BRAF: variants seen among roughly 807,000 people sequenced by gnomAD.
The protein encoded by BRAF is B-Raf proto-oncogene, serine/threonine kinase.
In BRAF, 16 loss-of-function variants were observed where a neutral mutation model predicts 104.6. The observed-to-expected ratio is 0.15, with a 90% CI of 0.10 to 0.23. The LOEUF (loss-of-function observed/expected upper bound fraction) is 0.23, where lower values mean the gene tolerates loss of function less well. Among genes scored for constraint, BRAF ranks in the 10% least tolerant of loss-of-function variants. The pLI is 1.00. For missense variants in BRAF, 541 were observed against 937.3 expected, an observed-to-expected ratio of 0.58 and a Z score of 5.52; for synonymous variants, 310 against 341.6, an observed-to-expected ratio of 0.91 and a Z score of 1.02.
chr7:140,774,808 T>C (rs769046285), intron 14 of BRAF, among the ~76,000 whole-genome samples: 3 of 152,182 alleles, frequency 2.0e-5, no homozygotes, highest in Non-Finnish European at 2.9e-5. Flanking sequence ...TGAGCCAACA[T>C]GCCCAGCCAC....
chr7:140,834,905 G>T, intron 2 of BRAF, 33 bp from the exon 3 acceptor site: 1 of 1,612,648 alleles, frequency 6.2e-7, no homozygotes, highest in Non-Finnish European at 8.5e-7. Context: ...ATTCAATCCG[G>T]ACTTTGTCCT....
At chr7:140,899,893 T>C (rs1331355088) in intron 1 of BRAF, among the ~76,000 whole-genome samples, 1 of 152,186 alleles carries the variant, frequency 6.6e-6, no homozygotes, top group Non-Finnish European at 1.5e-5. Context: ...GCAGAAGTGA[T>C]GGGGTGCCAC....
chr7:140,832,526 AAG>A lies in BRAF; in HGVS notation c.504+2081_504+2082del, dbSNP rs202017569. On this transcript the variant is annotated intron_variant, in intron 3 of 19. Coordinates refer to ENST00000644969, the MANE Select transcript of BRAF (RefSeq NM_001374258.1). ...GAAAAGGGTTAACAGATTCAGATAA[AAG>A]AGAGAATGGCAAAATAACGTTCTTG... 6.6e-3 allele frequency among the ~76,000 whole-genome samples: 1,009 copies of A among 152,310 alleles called. 42 individuals carry two copies. The highest frequency in any genetic ancestry group is 0.055 in the Admixed American group (835 of 15,302).
intron 16 of BRAF, among the ~76,000 whole-genome samples, chr7:140,751,419 G>A (rs913796046): frequency 2.0e-5 from 3 of 152,038 alleles, no homozygotes; most frequent in African/African-American, 7.2e-5. Flanking sequence ...TTTTCACAAG[G>A]TGTGTATGCC....
chr7:140,763,977 A>T (rs918712282), intron 14 of BRAF, among the ~76,000 whole-genome samples: 7 of 152,320 alleles, frequency 4.6e-5, no homozygotes, highest in South Asian at 2.1e-4. Context: ...TACCAAAGCC[A>T]GGCAGAGACA....
chr7:140,779,786 G>A (rs897045020), intron 12 of BRAF: 2 of 152,196 alleles, frequency 1.3e-5, no homozygotes, highest in African/African-American at 4.8e-5. Flanking sequence ...ACAAAAATTA[G>A]CCAGGGGTGG....
chr7:140,919,462 G>GT (rs895932477), intron 1 of BRAF, among the ~76,000 whole-genome samples: 123 of 146,918 alleles, frequency 8.4e-4, no homozygotes, highest in East Asian at 2.6e-3. Context: ...TAGAATAATA[G>GT]TTTTTTTTTT....
At chr7:140,914,728 T>C (rs1817388440) in intron 1 of BRAF, among the ~76,000 whole-genome samples, 1 of 151,868 alleles carries the variant, frequency 6.6e-6, no homozygotes, top group African/African-American at 2.4e-5. Flanking sequence ...TACCAGAAAT[T>C]ACGCTAACAA....
intron 1 of BRAF, among the ~76,000 whole-genome samples, chr7:140,858,361 G>A (rs1395554294): frequency 2.0e-5 from 3 of 152,136 alleles, no homozygotes; most frequent in African/African-American, 4.8e-5. Context: ...AGAGAAATAC[G>A]CTAAGACTGC....
At position 140,924,463 on chromosome 7, in the gene BRAF, G is replaced by A; in HGVS notation, c.138+103C>T. The A allele has an allele frequency of 1.3e-6, 2 of 1,487,314 alleles. No homozygotes were observed. Among genetic ancestry groups the A allele is most frequent in the Admixed American group, 4.0e-5 (2 of 50,582 alleles). The allele number at this position is 1,487,314 out of a possible 1,614,324, so 92.1% of individuals were successfully genotyped here. On this transcript the variant is annotated intron_variant, in intron 1 of 19. Transcript: ENST00000644969. This position sits in a 1 kb window ranked among gnomAD's most constrained non-coding sequence, Gnocchi z 4.2. ...GCCCGCGGAGCTGGCCCGAGAAGGT[G>A]GCTGAGGGCATCAAGCCCCCACCGC... is the stretch of plus-strand genomic sequence containing the variant.
In BRAF at chr7:140,726,235, C is replaced by T; in HGVS notation, c.*259G>A. ...AAGGTCAGAATTCAGGGTCTCTCCTCTTTCTTCCTGGGACTGGGCAGACTT... is the reference window on the plus strand; with the variant it reads ...AAGGTCAGAATTCAGGGTCTCTCCTTTTTCTTCCTGGGACTGGGCAGACTT... On this transcript the variant is annotated 3_prime_UTR_variant, in exon 20 of 20. Transcript: ENST00000644969. The T allele has an allele frequency of 2.3e-6, 3 of 1,308,942 alleles. No individual in the cohort carries two copies. Among genetic ancestry groups the T allele is most frequent in the Non-Finnish European group, 2.9e-6 (3 of 1,031,766 alleles). The allele number at this position is 1,308,942 out of a possible 1,614,324, so 81.1% of individuals were successfully genotyped here.
chr7:140,776,814 T>C, intron 14 of BRAF, 98 bp downstream of exon 13: 2 of 1,210,030 alleles, frequency 1.7e-6, no homozygotes, highest in South Asian at 1.2e-5. Context: ...TGGACAGTAA[T>C]TTAAAATGCA....
In BRAF at chr7:140,724,325, A is replaced by C; in HGVS notation, c.*2169T>G. 2 of 1,055,606 alleles carry C rather than the reference A, an allele frequency of 1.9e-6. No individual in the cohort carries two copies. The highest frequency in any genetic ancestry group is 2.3e-6 in the Non-Finnish European group (2 of 873,232). 65.4% of individuals were successfully genotyped at this position (1,055,606 alleles called of 1,614,324 possible). On this transcript the variant is annotated 3_prime_UTR_variant, in exon 20 of 20. Coordinates refer to ENST00000644969, the MANE Select transcript of BRAF (RefSeq NM_001374258.1). ...TCTCTACCTGCGGAAACTTGAAGCC[A>C]ATCTTGGTAAAGGGAACACAGCCAC...
At chr7:140,837,072 C>T (rs918390716) in intron 2 of BRAF, among the ~76,000 whole-genome samples, 6 of 152,130 alleles carry the variant, frequency 3.9e-5, no homozygotes, top group East Asian at 1.9e-4. Flanking sequence ...TTGTTAAGTA[C>T]AAAACATCTA....
At position 140,724,830 on chromosome 7, in the gene BRAF, G is replaced by C. The variant is rs1585894581; in HGVS notation, c.*1664C>G. 3.9e-6 allele frequency: 4 copies of C among 1,038,124 alleles called. No homozygotes were observed. Among genetic ancestry groups the C allele is most frequent in the Non-Finnish European group, 4.6e-6 (4 of 862,192 alleles). The allele number at this position is 1,038,124 out of a possible 1,614,324, so 64.3% of individuals were successfully genotyped here. ...TCCTAAATTCTGAGTCTAGATTCCTGATAAGGGAGGTTTTCCATTAATTTG... is the reference window on the plus strand; with the variant it reads ...TCCTAAATTCTGAGTCTAGATTCCTCATAAGGGAGGTTTTCCATTAATTTG... On this transcript the variant is annotated 3_prime_UTR_variant, in exon 20 of 20. Transcript: ENST00000644969.
intron 3 of BRAF, among the ~76,000 whole-genome samples, chr7:140,811,443 G>A (rs1167422267): frequency 6.6e-6 from 1 of 152,202 alleles, no homozygotes; most frequent in East Asian, 1.9e-4. Flanking sequence ...TCTCAGGGGA[G>A]AGGGGAGTAG....
At chr7:140,836,195 T>C (rs1807317459) in intron 2 of BRAF, 1 of 152,164 alleles carries the variant, frequency 6.6e-6, no homozygotes, top group African/African-American at 2.4e-5. Flanking sequence ...ACCTGGGACA[T>C]AGCAAAAGAT....
At position 140,720,213 on chromosome 7, in the gene BRAF, A is replaced by C; in HGVS notation, c.*6281T>G. 2 of 1,062,834 alleles carry C rather than the reference A, an allele frequency of 1.9e-6. No individual in the cohort carries two copies. The highest frequency in any genetic ancestry group is 2.3e-6 in the Non-Finnish European group (2 of 877,700). 65.8% of individuals were successfully genotyped at this position (1,062,834 alleles called of 1,614,324 possible). The stretch of plus-strand genomic sequence containing the variant: ...GGAAAGGATCAGATGTACAACCAAC[A>C]AATGAGATTACCACAAATACATATC... On this transcript the variant is annotated 3_prime_UTR_variant, in exon 20 of 20. Transcript: ENST00000644969.
intron 1 of BRAF, among the ~76,000 whole-genome samples, chr7:140,899,051 CT>C (rs902018489): frequency 2.0e-5 from 3 of 152,098 alleles, no homozygotes; most frequent in Admixed American, 1.3e-4. Flanking sequence ...GATACTTGAA[CT>C]TTTTTTCTAT....
Sources: gnomAD v4.1 joint callset for allele counts (sites outside exome capture counted in the v4.1 genomes callset) on GRCh38, gnomAD v4.1.1 for gene constraint, Gnocchi (gnomAD v3.1) non-coding constraint, MANE v1.5 for transcripts, NCBI Gene and HGNC (gene_info 2026-07-23, HGNC 2026-07-21) for gene names.